The following NCAM1 variants were observed in gnomAD, a reference collection of about 807,000 sequenced individuals.
NCAM1 encodes the protein neural cell adhesion molecule 1.
NCAM1 carries 14 observed loss-of-function variants against 109.8 expected under a neutral mutation model. That is an observed-to-expected ratio of 0.13 (90% CI 0.08 to 0.20). The LOEUF (loss-of-function observed/expected upper bound fraction) is 0.20. Among genes scored for constraint, NCAM1 ranks in the 10% least tolerant of loss-of-function variants. The pLI is 1.00. For synonymous variants in NCAM1, 418 were observed against 442.9 expected (o/e 0.94, Z 0.70); for missense variants, 774 against 1,109.9 (o/e 0.70, Z 4.30).
chr11:113,254,961 C>G (rs1051593284), intron 15 of NCAM1, among the ~76,000 whole-genome samples: 9 of 152,216 alleles, frequency 5.9e-5, no homozygotes, highest in Non-Finnish European at 7.3e-5. Flanking sequence ...GAGTGCCTTA[C>G]TCACTGGAGA....
chr11:113,075,004 T>C (rs1358975946), intron 1 of NCAM1, among the ~76,000 whole-genome samples: 1 of 152,176 alleles, frequency 6.6e-6, no homozygotes, highest in Non-Finnish European at 1.5e-5. Context: ...ACATGGCTAA[T>C]TGATAGCACC....
At chr11:113,044,091 G>A (rs2135338184) in intron 1 of NCAM1, among the ~76,000 whole-genome samples, 1 of 152,234 alleles carries the variant, frequency 6.6e-6, no homozygotes, top group South Asian at 2.1e-4. Flanking sequence ...CTGGGTCAAT[G>A]AGAGGTCTAC....
chr11:113,045,724 AT>A (rs1196902063), intron 1 of NCAM1, among the ~76,000 whole-genome samples: 1 of 152,194 alleles, frequency 6.6e-6, no homozygotes, highest in Admixed American at 6.5e-5. Context: ...GAATGGATAA[AT>A]TCCTTTATTT....
intron 1 of NCAM1, among the ~76,000 whole-genome samples, chr11:113,185,718 C>CT (rs1565485835): frequency 6.6e-6 from 1 of 152,236 alleles, no homozygotes; most frequent in East Asian, 1.9e-4. Context: ...CAGGAAGGGG[C>CT]TTGAAGAGTT....
Position 113,271,656 on chromosome 11 carries a change from T to C in NCAM1, c.2340-104T>C, listed in dbSNP as rs1322057894. On this transcript the variant is annotated intron_variant, in intron 18 of 19. Coordinates refer to ENST00000316851, the MANE Select transcript of NCAM1 (RefSeq NM_181351.5). Reference sequence around the variant, plus strand: ...CTTATACATTTGAATCTGTTGGCTCTGGATGCCCACCGTGCCAGCCTTGGG... The same window carrying C: ...CTTATACATTTGAATCTGTTGGCTCCGGATGCCCACCGTGCCAGCCTTGGG... 8 of 741,960 alleles carry C rather than the reference T, an allele frequency of 1.1e-5. No homozygotes were observed. In the East Asian group the frequency reaches 2.0e-4, roughly 19 times the overall value. The allele number at this position is 741,960 out of a possible 1,614,324, so 46.0% of individuals were successfully genotyped here. A position where few individuals can be genotyped will look rare whatever the true frequency, so the allele number is the denominator to read the frequency against.
intron 1 of NCAM1, among the ~76,000 whole-genome samples, chr11:113,019,732 T>C (rs782790508): frequency 6.6e-6 from 1 of 152,216 alleles, no homozygotes; most frequent in Non-Finnish European, 1.5e-5. Flanking sequence ...TTACAATTTC[T>C]AGTCACCATA....
chr11:113,189,938 A>C (rs17115095), intron 1 of NCAM1, among the ~76,000 whole-genome samples: 5,023 of 151,906 alleles, frequency 0.033, 115 homozygotes, highest in Non-Finnish European at 0.051. Context: ...AATTTGTATG[A>C]CTTATTAGCA....
intron 15 of NCAM1, among the ~76,000 whole-genome samples, chr11:113,246,946 T>C (rs184993887): frequency 6.6e-6 from 1 of 152,348 alleles, no homozygotes; most frequent in African/African-American, 2.4e-5. Flanking sequence ...TGGCTGTGAT[T>C]ACTGAGGTGT....
At chr11:113,134,328 TAA>T (rs1267709190) in intron 1 of NCAM1, among the ~76,000 whole-genome samples, 1 of 152,196 alleles carries the variant, frequency 6.6e-6, no homozygotes, top group African/African-American at 2.4e-5. Context: ...TTTCGTTTTT[TAA>T]GTCTGAATAA....
chr11:113,021,612 A>G (rs1422196278), intron 1 of NCAM1, among the ~76,000 whole-genome samples: 1 of 152,198 alleles, frequency 6.6e-6, no homozygotes, highest in Non-Finnish European at 1.5e-5. Flanking sequence ...CTATTTATAC[A>G]TTATATCAAT....
intron 1 of NCAM1, among the ~76,000 whole-genome samples, chr11:113,198,632 C>T (rs782069838): frequency 6.6e-6 from 1 of 152,120 alleles, no homozygotes; most frequent in Non-Finnish European, 1.5e-5. Flanking sequence ...TGAGCCACTG[C>T]GCCCGGCTGA....
At chr11:113,034,126 T>C (rs1952794877) in intron 1 of NCAM1, among the ~76,000 whole-genome samples, 1 of 152,302 alleles carries the variant, frequency 6.6e-6, no homozygotes. Context: ...AATCTAGTCG[T>C]GATAATGAGG....
chr11:113,230,166 A>G (rs1944963729), intron 9 of NCAM1, among the ~76,000 whole-genome samples: 1 of 152,054 alleles, frequency 6.6e-6, no homozygotes, highest in African/African-American at 2.4e-5. Context: ...TCTCCAACAA[A>G]CTGGGTGTCA....
intron 1 of NCAM1, among the ~76,000 whole-genome samples, chr11:113,056,009 AT>A (rs1555082514): frequency 2.6e-4 from 31 of 121,054 alleles, no homozygotes; most frequent in East Asian, 1.3e-3. Context: ...ATATATATAT[AT>A]ATATATATAT....
chr11:113,251,899 C>T (rs1945689986), intron 15 of NCAM1, among the ~76,000 whole-genome samples: 1 of 152,176 alleles, frequency 6.6e-6, no homozygotes, highest in Admixed American at 6.5e-5. Context: ...TTTCTCCCAC[C>T]ACAGCCCCTC....
rs373251794 is a variant in NCAM1 at position 113,166,771 on chromosome 11, C to CA, written c.53-35599dup. Among the ~76,000 whole-genome samples, 406 of 150,594 alleles carry CA rather than the reference C, an allele frequency of 2.7e-3. 1 individual carries two copies. The highest frequency in any genetic ancestry group is 8.4e-3 in the African/African-American group (342 of 40,804). On this transcript the variant is annotated intron_variant, in intron 1 of 19. Transcript: ENST00000316851. ...TAGTTGTCACTGCGACACACACACA[C>CA]AAAAAAAAACACTGGCTCTATTCTA...
At chr11:113,193,268 G>A (rs1049798931) in intron 1 of NCAM1, among the ~76,000 whole-genome samples, 12 of 152,286 alleles carry the variant, frequency 7.9e-5, no homozygotes, top group African/African-American at 1.9e-4. Flanking sequence ...CTTGATCCAC[G>A]GCTTTGGTCT....
At chr11:112,969,064 A>G (rs1303940837) in intron 1 of NCAM1, among the ~76,000 whole-genome samples, 1 of 152,170 alleles carries the variant, frequency 6.6e-6, no homozygotes, top group Non-Finnish European at 1.5e-5. Context: ...TTGGGCCACA[A>G]GAAAGGAAGC....
chr11:113,185,079 T>TATATATATATATATATAG, intron 1 of NCAM1, among the ~76,000 whole-genome samples: 108 of 125,730 alleles, frequency 8.6e-4, no homozygotes, highest in East Asian at 4.9e-3. Flanking sequence ...TATATATATA[T>TATATATATATATATATAG]AGAGAGAGAG....
Sources: gnomAD v4.1 joint callset for allele counts (sites outside exome capture counted in the v4.1 genomes callset) on GRCh38, gnomAD v4.1.1 for gene constraint, MANE v1.5 for transcripts, NCBI Gene and HGNC (gene_info 2026-07-23, HGNC 2026-07-21) for gene names.